IARS2: variants seen among roughly 807,000 people sequenced by gnomAD.
The protein encoded by IARS2 is isoleucyl-tRNA synthetase 2, mitochondrial.
IARS2 carries 56 observed loss-of-function variants against 126.3 expected under a neutral mutation model. The ratio of observed to expected loss-of-function variants is 0.44; its 90% CI spans 0.36 to 0.55. IARS2 has a LOEUF of 0.55. IARS2 is among the 20% of genes least tolerant of loss of function. IARS2 has a pLI of 0.00. For synonymous variants in IARS2, 407 were observed against 441.1 expected, an observed-to-expected ratio of 0.92 and a Z score of 0.97; for missense variants, 1,127 against 1,245.9, an observed-to-expected ratio of 0.90 and a Z score of 1.44.
chr1:220,121,748 A>G (rs1276348484), intron 12 of IARS2, among the ~76,000 whole-genome samples: 1 of 152,162 alleles, frequency 6.6e-6, no homozygotes, highest in Non-Finnish European at 1.5e-5. Context: ...CCAGGCCAAG[A>G]ATATGAAAAA....
chr1:220,126,106 CAAA>C (rs372363841), intron 13 of IARS2, among the ~76,000 whole-genome samples: 7 of 81,438 alleles, frequency 8.6e-5, no homozygotes, highest in East Asian at 3.4e-4. Context: ...AACTCTGTCT[CAAA>C]AAAAAAAAAA....
chr1:220,126,086 A>G (rs1387636329), intron 13 of IARS2, among the ~76,000 whole-genome samples: 2 of 150,318 alleles, frequency 1.3e-5, no homozygotes, highest in East Asian at 1.9e-4. Flanking sequence ...TAGCCTGGGC[A>G]ACAGAGTGAA....
intron 13 of IARS2, among the ~76,000 whole-genome samples, chr1:220,126,141 G>A (rs1206978979): frequency 2.0e-5 from 3 of 150,078 alleles, no homozygotes; most frequent in East Asian, 2.0e-4. Flanking sequence ...AAAAAGCCAC[G>A]CAACATACCT....
At position 220,102,555 on chromosome 1, in the gene IARS2, T is replaced by C. The variant is rs1656600148; in HGVS notation, c.810T>C (p.Tyr270=). 1 of 1,614,048 alleles carries C rather than the reference T, an allele frequency of 6.2e-7. No homozygotes were observed. The highest frequency in any genetic ancestry group is 1.3e-5 in the African/African-American group (1 of 75,076). The change falls in exon 6 of 23, where the codon TAT becomes TAC. Residue 270 remains tyrosine (Y), a synonymous_variant. Coordinates refer to ENST00000366922, the MANE Select transcript of IARS2 (RefSeq NM_018060.4). ...YNPEHVSRSI[Y]VKFPLLKPSP... ...CTGAGCATGTCAGTCGTTCAATATA[T>C]GTAAAATTTCCTCTCTTAAAGCCTT...
At chr1:220,109,784 G>A (rs1656759480) in intron 10 of IARS2, among the ~76,000 whole-genome samples, 1 of 152,194 alleles carries the variant, frequency 6.6e-6, no homozygotes, top group Admixed American at 6.5e-5. Context: ...AGTGCTGGGG[G>A]TTAGATCTTC....
At position 220,138,010 on chromosome 1, in the gene IARS2, C is replaced by T. The variant is rs138792071; in HGVS notation, c.2142C>T (p.Ser714=). Residue 714 remains serine (S), a synonymous_variant, in exon 17 of 23, where the codon TCC becomes TCT. Coordinates refer to ENST00000366922, the MANE Select transcript of IARS2 (RefSeq NM_018060.4). ...NVFTEVAIGP[S]VLNAARDDIS... ...TCACCGAAGTTGCAATTGGCCCATC[C>T]GTGCTCAATGCTGCCAGAGATGATA... 15 of 1,613,914 alleles carry T rather than the reference C, an allele frequency of 9.3e-6. No homozygotes were observed. Among genetic ancestry groups the T allele is most frequent in the East Asian group, 6.7e-5 (3 of 44,894 alleles).
intron 12 of IARS2, among the ~76,000 whole-genome samples, chr1:220,119,085 A>C (rs1260123736): frequency 2.0e-5 from 3 of 152,166 alleles, no homozygotes; most frequent in Non-Finnish European, 4.4e-5. Flanking sequence ...GGATGACAGC[A>C]GTCGTTTCTT....
At chr1:220,133,384 C>T (rs2102836552) in intron 14 of IARS2, among the ~76,000 whole-genome samples, 1 of 152,222 alleles carries the variant, frequency 6.6e-6, no homozygotes, top group Admixed American at 6.5e-5. Flanking sequence ...CCAGATTTCC[C>T]CAGGGTCTAA....
chr1:220,143,513 AATAG>A (rs1356295744), intron 21 of IARS2, among the ~76,000 whole-genome samples: 1 of 152,146 alleles, frequency 6.6e-6, no homozygotes, highest in Non-Finnish European at 1.5e-5. Flanking sequence ...ATAGGGAAGG[AATAG>A]ATAAAGTTCT....
chr1:220,122,008 T>C (rs1176710783), intron 12 of IARS2, among the ~76,000 whole-genome samples: 1 of 152,122 alleles, frequency 6.6e-6, no homozygotes, highest in Non-Finnish European at 1.5e-5. Context: ...GGAGGATTAC[T>C]TGACGCAGGA....
rs1190827178 is a variant in IARS2, at chr1:220,121,250, A to T, written c.1641-3987A>T. 5.3e-5 allele frequency among the ~76,000 whole-genome samples: 8 copies of T among 152,336 alleles called. No individual in the cohort carries two copies. The East Asian group carries it at 7.7e-4, about 15-fold the overall frequency. ...TAATTAGGTAAGCTAAAAGAAAAAC[A>T]AAAAACCTTTCCTCCTCACTAAGAG... On this transcript the variant is annotated intron_variant, in intron 12 of 22. Transcript: ENST00000366922.
At chr1:220,143,873 G>A in intron 21 of IARS2, 5 of 675,200 alleles carry the variant, frequency 7.4e-6, no homozygotes, top group South Asian at 7.4e-5. Context: ...TTTTTCTCCA[G>A]TCTAAATGCT....
In IARS2 at chr1:220,110,805, T is replaced by C. The variant is rs994398002; in HGVS notation, c.1347T>C (p.Thr449=). The C allele has an allele frequency of 6.2e-7, 1 of 1,608,596 alleles. No homozygotes were observed. The highest frequency in any genetic ancestry group is 8.5e-7 in the Non-Finnish European group (1 of 1,176,372). The change falls in exon 11 of 23, where the codon ACT becomes ACC. Residue 449 remains threonine (T), a synonymous_variant. Transcript: ENST00000366922. ...TTAAAGTTATAAAGATGCTTCAGACTGCAAAGAATTTGTTGAAAGAGGAGA... is the reference window on the plus strand; with the variant it reads ...TTAAAGTTATAAAGATGCTTCAGACCGCAAAGAATTTGTTGAAAGAGGAGA... The part of the protein sequence containing the change: ...GTDVVIKMLQ[T]AKNLLKEEKL...
Position 220,138,744 on chromosome 1 carries a change from G to A in IARS2, c.2176-264G>A, listed in dbSNP as rs946875230. ...AAACTGGGCTACTGAAAGGTGATTT[G>A]CCCCAACGTAATAAAGAAATATAAT... On this transcript the variant is annotated intron_variant, in intron 17 of 22. Coordinates refer to ENST00000366922, the MANE Select transcript of IARS2 (RefSeq NM_018060.4). Among the ~76,000 whole-genome samples the A allele has an allele frequency of 3.9e-5, 6 of 152,038 alleles. No individual in the cohort carries two copies. The South Asian group carries it at 6.2e-4, about 16-fold the overall frequency.
At chr1:220,145,689 A>G in intron 22 of IARS2, 36 bp downstream of exon 22, 1 of 1,565,788 alleles carries the variant, frequency 6.4e-7, no homozygotes, top group South Asian at 1.2e-5. Context: ...TAACATCTGG[A>G]GAATTGAATA....
rs780355728 is a variant in IARS2 at position 220,138,985 on chromosome 1, A to T, written c.2176-23A>T. ...GGCACCATTAGATTTTTTTAACTGC[A>T]TATTTTTTCTTCCTATGAATAGCTT... On this transcript the variant is annotated intron_variant, in intron 17 of 22. Transcript: ENST00000366922. 5.0e-6 allele frequency: 8 copies of T among 1,594,754 alleles called. No individual in the cohort carries two copies. In the South Asian group the frequency reaches 9.2e-5, roughly 18 times the overall value.
chr1:220,122,040 A>G (rs1657061624), intron 12 of IARS2, among the ~76,000 whole-genome samples: 1 of 152,204 alleles, frequency 6.6e-6, no homozygotes, highest in African/African-American at 2.4e-5. Flanking sequence ...CAAGTGAGCT[A>G]TGATCATGCC....
At chr1:220,103,825 A>G (rs1357237071) in intron 8 of IARS2, among the ~76,000 whole-genome samples, 1 of 152,254 alleles carries the variant, frequency 6.6e-6, no homozygotes, top group African/African-American at 2.4e-5. Flanking sequence ...TTTATGCAAA[A>G]TTAATTTTTA....
At chr1:220,104,339 A>G (rs1212705374) in intron 8 of IARS2, among the ~76,000 whole-genome samples, 1 of 152,140 alleles carries the variant, frequency 6.6e-6, no homozygotes, top group Non-Finnish European at 1.5e-5. Flanking sequence ...TTGAAATATA[A>G]TTATGGAAGT....
Sources: allele counts gnomAD v4.1 joint callset (sites outside exome capture counted in the v4.1 genomes callset), GRCh38; gene constraint gnomAD v4.1.1; transcripts MANE v1.5; gene names NCBI Gene and HGNC (gene_info 2026-07-23, HGNC 2026-07-21).